The following UCHL3 variants were observed in gnomAD, a reference collection of about 807,000 sequenced individuals.
The protein encoded by UCHL3 is ubiquitin carboxyl-terminal hydrolase isozyme L3.
A neutral mutation model predicts 35.8 loss-of-function variants in UCHL3; 22 were observed. The observed-to-expected ratio is 0.61, with a 90% CI of 0.44 to 0.88. The LOEUF is 0.88. Ranked by LOEUF, UCHL3 falls within the 40% of genes least tolerant of loss-of-function variation. UCHL3 has a pLI of 0.00. For synonymous variants in UCHL3, 90 were observed against 92.8 expected (o/e 0.97, Z 0.17); for missense variants, 229 against 276.9 (o/e 0.83, Z 1.23).
At chr13:75,592,119 T>C (rs1048491311) in intron 6 of UCHL3, among the ~76,000 whole-genome samples, 21 of 152,082 alleles carry the variant, frequency 1.4e-4, no homozygotes, top group African/African-American at 4.8e-4. Context: ...TTAAATTTAG[T>C]GTATATTTTA....
chr13:75,549,687 A>G, upstream of UCHL3: 1 of 1,043,720 alleles, frequency 9.6e-7, no homozygotes, highest in Non-Finnish European at 1.3e-6. Context: ...GGCCCGTCAA[A>G]CTCTTTTTGG....
intron 6 of UCHL3, among the ~76,000 whole-genome samples, chr13:75,585,109 G>A (rs1213228088): frequency 6.6e-6 from 1 of 151,968 alleles, no homozygotes; most frequent in African/African-American, 2.4e-5. Context: ...TATTTGAAGG[G>A]TAATGGCCAA....
At chr13:75,570,099 G>A (rs1434266723) in intron 6 of UCHL3, among the ~76,000 whole-genome samples, 2 of 151,942 alleles carry the variant, frequency 1.3e-5, no homozygotes, top group African/African-American at 2.4e-5. Flanking sequence ...ATCACTCTAA[G>A]AGGAAGTTTG....
At chr13:75,557,057 T>TA (rs1393671535) in intron 2 of UCHL3, among the ~76,000 whole-genome samples, 1 of 151,920 alleles carries the variant, frequency 6.6e-6, no homozygotes, top group Non-Finnish European at 1.5e-5. Context: ...TACTAAAAAA[T>TA]AAAAAAATTT....
intron 6 of UCHL3, among the ~76,000 whole-genome samples, chr13:75,591,576 T>A: frequency 6.6e-6 from 1 of 152,210 alleles, no homozygotes; most frequent in Admixed American, 6.5e-5. Flanking sequence ...TGCTTTTATA[T>A]AATGTTGATC....
intron 7 of UCHL3, among the ~76,000 whole-genome samples, chr13:75,597,703 C>T (rs767610216): frequency 3.3e-5 from 5 of 152,038 alleles, no homozygotes; most frequent in Admixed American, 2.0e-4. Flanking sequence ...GAGATGGGGC[C>T]GGTGTCCTGG....
intron 2 of UCHL3, among the ~76,000 whole-genome samples, chr13:75,556,546 G>A (rs2031298215): frequency 6.6e-6 from 1 of 152,152 alleles, no homozygotes; most frequent in Non-Finnish European, 1.5e-5. Flanking sequence ...AAAGGAAAGT[G>A]AATTTTATCT....
chr13:75,592,414 T>TCATATATATATATATGTATATA (rs2032501145), intron 6 of UCHL3, among the ~76,000 whole-genome samples: 2 of 18,136 alleles, frequency 1.1e-4, no homozygotes, highest in African/African-American at 1.6e-4. Context: ...AATTTTTCCT[T>TCATATATATATATATGTATATA]CATATATATA....
chr13:75,555,643 A>G (rs951474816), intron 2 of UCHL3, among the ~76,000 whole-genome samples: 1 of 152,108 alleles, frequency 6.6e-6, no homozygotes, highest in Admixed American at 6.5e-5. Flanking sequence ...TAGAAGAATT[A>G]TATTTCTTTT....
intron 7 of UCHL3, among the ~76,000 whole-genome samples, chr13:75,595,340 A>G (rs2032615337): frequency 6.6e-6 from 1 of 152,032 alleles, no homozygotes; most frequent in Non-Finnish European, 1.5e-5. Context: ...TAGTTTTAAA[A>G]GATAGTGTAA....
At position 75,560,755 on chromosome 13, in the gene UCHL3, T is replaced by G. The variant is rs755293457; in HGVS notation, c.57T>G (p.Phe19Leu). The change falls in exon 3 of 9, where the codon TTT becomes TTG. Residue 19 changes from phenylalanine (F) to leucine (L), a missense_variant and splice_region_variant. Physicochemically the swap from Phe to Leu is conservative, Grantham distance 22. Coordinates refer to ENST00000377595, the MANE Select transcript of UCHL3 (RefSeq NM_006002.5). ...TTTTTCTTTCTTTCTTTTACCAGTT[T>G]CTTAAACAATTAGGTCTACATCCTA... is the stretch of plus-strand genomic sequence containing the variant. ...LEANPEVTNQ[F>L]LKQLGLHPNW... 1.9e-5 allele frequency: 30 copies of G among 1,597,392 alleles called. No homozygotes were observed. Among genetic ancestry groups the G allele is most frequent in the Non-Finnish European group, 2.6e-5 (30 of 1,175,270 alleles).
At chr13:75,559,216 A>G (rs1294272130) in intron 2 of UCHL3, among the ~76,000 whole-genome samples, 1 of 151,344 alleles carries the variant, frequency 6.6e-6, no homozygotes, top group Non-Finnish European at 1.5e-5. Context: ...ATTTTTTTGT[A>G]TTTTTAGTAG....
intron 7 of UCHL3, among the ~76,000 whole-genome samples, chr13:75,602,309 G>T (rs907597707): frequency 1.3e-5 from 2 of 152,084 alleles, no homozygotes; most frequent in African/African-American, 4.8e-5. Flanking sequence ...CAACTCTGTT[G>T]TCACCTTTCT....
intron 6 of UCHL3, among the ~76,000 whole-genome samples, chr13:75,574,358 TG>T (rs1440894051): frequency 6.6e-6 from 1 of 152,202 alleles, no homozygotes; most frequent in Non-Finnish European, 1.5e-5. Context: ...TTTTCTTCCT[TG>T]TGTATATTTG....
chr13:75,572,090 TTTAA>T (rs1487557921), intron 6 of UCHL3, among the ~76,000 whole-genome samples: 1 of 151,970 alleles, frequency 6.6e-6, no homozygotes, highest in Non-Finnish European at 1.5e-5. Flanking sequence ...TCTTTCTAAC[TTTAA>T]TTATTTCTTT....
At chr13:75,588,285 A>AG (rs1472796485) in intron 6 of UCHL3, among the ~76,000 whole-genome samples, 22 of 151,986 alleles carry the variant, frequency 1.4e-4, no homozygotes, top group African/African-American at 5.3e-4. Context: ...TTCCCTCTCT[A>AG]GATTCTTAGA....
intron 2 of UCHL3, among the ~76,000 whole-genome samples, chr13:75,553,395 T>G (rs1431266982): frequency 6.6e-6 from 1 of 152,232 alleles, no homozygotes; most frequent in Non-Finnish European, 1.5e-5. Flanking sequence ...CCAGATCCAG[T>G]GATCACTTTT....
intron 6 of UCHL3, among the ~76,000 whole-genome samples, chr13:75,586,558 A>G: frequency 6.6e-6 from 1 of 152,032 alleles, no homozygotes; most frequent in East Asian, 1.9e-4. Flanking sequence ...TTGGAATACA[A>G]CAGTTGAATA....
At chr13:75,588,096 G>GATTAATTTGAAAGATTA (rs1456172436) in intron 6 of UCHL3, among the ~76,000 whole-genome samples, 1 of 151,954 alleles carries the variant, frequency 6.6e-6, no homozygotes, top group Non-Finnish European at 1.5e-5. Context: ...GAGGCTAACT[G>GATTAATTTGAAAGATTA]ATTAAATTGA....
Sources: allele counts gnomAD v4.1 joint callset (sites outside exome capture counted in the v4.1 genomes callset), GRCh38; gene constraint gnomAD v4.1.1; transcripts MANE v1.5; gene names NCBI Gene and HGNC (gene_info 2026-07-23, HGNC 2026-07-21).